The following SHISA6 variants were observed in gnomAD, a reference collection of about 807,000 sequenced individuals.
SHISA6 encodes the protein shisa family member 6, also known as protein shisa-6.
Under a neutral mutation model 47.9 loss-of-function variants are expected in SHISA6, and 22 were observed. The ratio of observed to expected loss-of-function variants is 0.46; its 90% CI spans 0.33 to 0.66. SHISA6 has a LOEUF of 0.66. SHISA6 is among the 30% of genes least tolerant of loss of function. The pLI, the probability that SHISA6 is intolerant of heterozygous loss-of-function variation, is 0.02. For missense variants in SHISA6, 680 were observed against 764.6 expected (o/e 0.89, Z 1.30); for synonymous variants, 388 against 337.8 (o/e 1.15, Z -1.63).
In SHISA6 at chr17:11,246,363, G is replaced by A. The variant is rs190078251; in HGVS notation, c.638+4303G>A. Among the ~76,000 whole-genome samples the A allele has an allele frequency of 2.9e-3, 442 of 152,262 alleles. 2 individuals carry two copies. Among genetic ancestry groups the A allele is most frequent in the Middle Eastern group, 0.017 (5 of 292 alleles). The stretch of plus-strand genomic sequence containing the variant: ...AAGTTAGCCGGGTGTGGTGGCATGC[G>A]CCTGTAGTCCCAGCTACTCGGGAGG... On this transcript the variant is annotated intron_variant, in intron 1 of 5. Coordinates refer to ENST00000441885, the MANE Select transcript of SHISA6 (RefSeq NM_207386.4).
At chr17:11,384,576 C>G (rs947820403) in intron 3 of SHISA6, among the ~76,000 whole-genome samples, 47 of 152,340 alleles carry the variant, frequency 3.1e-4, no homozygotes, top group African/African-American at 1.1e-3. Flanking sequence ...AGAACCCCCA[C>G]ATTTCAATAT....
At chr17:11,274,267 C>T (rs1908792867) in intron 2 of SHISA6, among the ~76,000 whole-genome samples, 1 of 152,204 alleles carries the variant, frequency 6.6e-6, no homozygotes, top group South Asian at 2.1e-4. Context: ...TCACTCACCC[C>T]TACACCCAGG....
intron 2 of SHISA6, among the ~76,000 whole-genome samples, chr17:11,316,683 G>C (rs899332201): frequency 1.3e-5 from 2 of 151,928 alleles, no homozygotes; most frequent in African/African-American, 4.8e-5. Flanking sequence ...GCCTCCCAAA[G>C]TGTTGGGATT....
At chr17:11,414,279 A>G (rs1914217917) in intron 3 of SHISA6, among the ~76,000 whole-genome samples, 5 of 152,312 alleles carry the variant, frequency 3.3e-5, no homozygotes, top group Middle Eastern at 3.4e-3. Context: ...ACCACTTTGC[A>G]GTATCTCATT....
At chr17:11,470,110 G>A (rs1189072782) in intron 3 of SHISA6, among the ~76,000 whole-genome samples, 2 of 152,142 alleles carry the variant, frequency 1.3e-5, no homozygotes, top group Admixed American at 1.3e-4. Flanking sequence ...AACCAATCCT[G>A]GTGGCACGTT....
intron 1 of SHISA6, among the ~76,000 whole-genome samples, chr17:11,249,242 C>A (rs1347542219): frequency 6.6e-6 from 1 of 151,812 alleles, no homozygotes; most frequent in Admixed American, 6.6e-5. Flanking sequence ...CAATGCAGTT[C>A]AGCTCTGTGA....
intron 3 of SHISA6, among the ~76,000 whole-genome samples, chr17:11,541,514 TA>T (rs1295446400): frequency 6.6e-6 from 1 of 152,190 alleles, no homozygotes; most frequent in Non-Finnish European, 1.5e-5. Flanking sequence ...GTCAGTCTGG[TA>T]CAACAAATAA....
chr17:11,521,383 C>T (rs528904913), intron 3 of SHISA6, among the ~76,000 whole-genome samples: 1 of 152,314 alleles, frequency 6.6e-6, no homozygotes, highest in Non-Finnish European at 1.5e-5. Flanking sequence ...GGACTTGAGG[C>T]TTCAGGTCAA....
chr17:11,339,028 C>G (rs933632889), intron 2 of SHISA6, among the ~76,000 whole-genome samples: 3 of 151,006 alleles, frequency 2.0e-5, no homozygotes, highest in African/African-American at 7.3e-5. Context: ...TGCCCAGCAA[C>G]AGAGAGTTCA....
chr17:11,311,295 A>C (rs954732851), intron 2 of SHISA6, among the ~76,000 whole-genome samples: 1 of 144,938 alleles, frequency 6.9e-6, no homozygotes, highest in Admixed American at 7.1e-5. Context: ...AAAAAAAAAA[A>C]AAAAACCGAC....
intron 3 of SHISA6, among the ~76,000 whole-genome samples, chr17:11,420,640 A>C (rs205043): frequency 6.6e-6 from 1 of 152,084 alleles, no homozygotes; most frequent in Admixed American, 6.5e-5. Context: ...GTAACACGCC[A>C]CAGGAAGGGT....
intron 2 of SHISA6, among the ~76,000 whole-genome samples, chr17:11,276,799 CA>C (rs1567558062): frequency 6.6e-6 from 1 of 152,150 alleles, no homozygotes; most frequent in Non-Finnish European, 1.5e-5. Flanking sequence ...CATGTGAGAA[CA>C]AGTTGCCAAT....
At chr17:11,399,413 A>C (rs1210173323) in intron 3 of SHISA6, among the ~76,000 whole-genome samples, 2 of 151,894 alleles carry the variant, frequency 1.3e-5, no homozygotes, top group Non-Finnish European at 2.9e-5. Flanking sequence ...CCATTTTTTA[A>C]AATTTTTGTT....
At chr17:11,268,403 C>T (rs910411091) in intron 2 of SHISA6, among the ~76,000 whole-genome samples, 2 of 152,184 alleles carry the variant, frequency 1.3e-5, no homozygotes, top group Non-Finnish European at 2.9e-5. Flanking sequence ...TCAACCCCTA[C>T]TACCTTCTGC....
intron 3 of SHISA6, among the ~76,000 whole-genome samples, chr17:11,498,718 G>A (rs1288500019): frequency 6.6e-6 from 1 of 152,160 alleles, no homozygotes; most frequent in East Asian, 1.9e-4. Flanking sequence ...CGGATAGGAG[G>A]AGAAGGGAAG....
rs1177202134 is a variant in SHISA6, at chr17:11,374,510, G to A, written c.800-4904G>A. ...TCTTAGTCCTTGACTTGATTTCTGT[G>A]TATGTGTTTTTGTGTATATTTGCAT... is the stretch of plus-strand genomic sequence containing the variant. On this transcript the variant is annotated intron_variant, in intron 2 of 5. Transcript: ENST00000441885. Among the ~76,000 whole-genome samples, 11 of 142,638 alleles carry A rather than the reference G, an allele frequency of 7.7e-5. No individual in the cohort carries two copies. The South Asian group carries it at 2.1e-3, about 27-fold the overall frequency. 93.6% of individuals were successfully genotyped at this position (142,638 alleles called of 152,430 possible). A position where few individuals can be genotyped will look rare whatever the true frequency, so the allele number is the denominator to read the frequency against.
rs1432641437 is a variant in SHISA6, at chr17:11,316,415, CTCTCTT to C, written c.799+52891_799+52896del. Among the ~76,000 whole-genome samples, 345 of 50,696 alleles carry C rather than the reference CTCTCTT, an allele frequency of 6.8e-3. 1 individual carries two copies. The highest frequency in any genetic ancestry group is 0.027 in the African/African-American group (322 of 11,826). The allele number at this position is 50,696 out of a possible 152,430, so 33.3% of individuals were successfully genotyped here. A position where few individuals can be genotyped will look rare whatever the true frequency, so the allele number is the denominator to read the frequency against. ...TCTCTCTGTCTCTCTCTCTCTCTCT[CTCTCTT>C]TTTTTTTTTTTTTTTTTGAGACGGA... On this transcript the variant is annotated intron_variant, in intron 2 of 5. Coordinates refer to ENST00000441885, the MANE Select transcript of SHISA6 (RefSeq NM_207386.4).
intron 3 of SHISA6, among the ~76,000 whole-genome samples, chr17:11,387,011 A>C (rs1913217378): frequency 6.6e-6 from 1 of 152,184 alleles, no homozygotes; most frequent in African/African-American, 2.4e-5. Flanking sequence ...TTTTCACGAT[A>C]ACCTGCAGAA....
At chr17:11,365,704 A>G (rs1050748357) in intron 2 of SHISA6, among the ~76,000 whole-genome samples, 2 of 152,230 alleles carry the variant, frequency 1.3e-5, no homozygotes, top group African/African-American at 2.4e-5. Context: ...GATATATCCT[A>G]TGTGCCCAGC....
Sources: allele counts gnomAD v4.1 joint callset (sites outside exome capture counted in the v4.1 genomes callset), GRCh38; gene constraint gnomAD v4.1.1; transcripts MANE v1.5; gene names NCBI Gene and HGNC (gene_info 2026-07-23, HGNC 2026-07-21).